Variants in EBF1 observed in about 807,000 individuals in gnomAD.
EBF1 encodes the protein EBF transcription factor 1, also known as transcription factor COE1.
EBF1 carries 10 observed loss-of-function variants against 68.4 expected under a neutral mutation model. That is an observed-to-expected ratio of 0.15 (90% confidence interval 0.09 to 0.25). The LOEUF (loss-of-function observed/expected upper bound fraction) is 0.25. Ranked by LOEUF, EBF1 falls within the 10% of genes least tolerant of loss-of-function variation. EBF1 has a pLI of 1.00. For synonymous variants in EBF1, 298 were observed against 299.8 expected (o/e 0.99, Z 0.06); for missense variants, 509 against 794.4 (o/e 0.64, Z 4.32).
chr5:158,699,183 C>T, intron 15 of EBF1, 41 bp from the exon 16 acceptor site: 1 of 1,548,692 alleles, frequency 6.5e-7, no homozygotes, highest in Non-Finnish European at 8.8e-7. Context: ...TCTTTGCGTT[C>T]AAACTTCTCA....
intron 6 of EBF1, among the ~76,000 whole-genome samples, chr5:158,891,550 C>A (rs550984018): frequency 6.6e-6 from 1 of 152,306 alleles, no homozygotes; most frequent in Non-Finnish European, 1.5e-5. Flanking sequence ...TCCCAGGTCT[C>A]AACTTTGGGC....
At chr5:158,836,683 G>A (rs1562073987) in intron 7 of EBF1, among the ~76,000 whole-genome samples, 1 of 152,186 alleles carries the variant, frequency 6.6e-6, no homozygotes, top group Non-Finnish European at 1.5e-5. Flanking sequence ...ATAAAGAAAT[G>A]TATTAATGTA....
At chr5:158,748,523 C>A (rs1400986300) in intron 10 of EBF1, among the ~76,000 whole-genome samples, 1 of 152,122 alleles carries the variant, frequency 6.6e-6, no homozygotes, top group Non-Finnish European at 1.5e-5. Flanking sequence ...ATTCACAAAC[C>A]ATTAATGCCC....
intron 6 of EBF1, among the ~76,000 whole-genome samples, chr5:159,027,520 C>T (rs911936911): frequency 1.3e-5 from 2 of 152,146 alleles, no homozygotes; most frequent in African/African-American, 2.4e-5. Context: ...TTCTTCAGAC[C>T]TTAGAATGCA....
At chr5:158,792,472 C>T (rs1427513231) in intron 9 of EBF1, among the ~76,000 whole-genome samples, 1 of 151,266 alleles carries the variant, frequency 6.6e-6, no homozygotes, top group Non-Finnish European at 1.5e-5. Flanking sequence ...GTTAAGCCAG[C>T]CTGATTTTCT....
chr5:158,923,110 G>A (rs1357521488), intron 6 of EBF1, among the ~76,000 whole-genome samples: 3 of 152,242 alleles, frequency 2.0e-5, no homozygotes, highest in Admixed American at 2.0e-4. Flanking sequence ...CCCAGGAAGA[G>A]CGTTAGCCTC....
intron 6 of EBF1, among the ~76,000 whole-genome samples, chr5:159,021,602 G>A (rs1264530449): frequency 6.6e-6 from 1 of 152,210 alleles, no homozygotes; most frequent in Non-Finnish European, 1.5e-5. Flanking sequence ...AGACAAGGAG[G>A]ATTTGCCCAA....
intron 1 of EBF1, among the ~76,000 whole-genome samples, 164 bp downstream of exon 1, chr5:159,099,181 G>A (rs1783180855): frequency 1.3e-5 from 2 of 152,148 alleles, no homozygotes; most frequent in African/African-American, 4.8e-5. Context: ...CGAAGGCAGA[G>A]CGGCTGGAGA....
In EBF1 at chr5:158,698,799, C is replaced by CA. The variant is rs1756165217; in HGVS notation, c.*311dup. 3.8e-6 allele frequency: 1 copy of CA among 265,784 alleles called. No individual in the cohort carries two copies. The highest frequency in any genetic ancestry group is 5.5e-5 in the East Asian group (1 of 18,226). 16.5% of individuals were successfully genotyped at this position (265,784 alleles called of 1,614,324 possible). A position where few individuals can be genotyped will look rare whatever the true frequency, so the allele number is the denominator to read the frequency against. Reference sequence around the variant, plus strand: ...ATAGAGCTTTACGGTTTATAAAAGACAAATGATTGCAGAATTAAGCTTAAA... The same window carrying CA: ...ATAGAGCTTTACGGTTTATAAAAGACAAAATGATTGCAGAATTAAGCTTAAA... On this transcript the variant is annotated 3_prime_UTR_variant, in exon 16 of 16. Coordinates refer to ENST00000313708, the MANE Select transcript of EBF1 (RefSeq NM_024007.5).
intron 6 of EBF1, among the ~76,000 whole-genome samples, chr5:158,896,727 T>A (rs1379400330): frequency 6.6e-6 from 1 of 152,210 alleles, no homozygotes; most frequent in Non-Finnish European, 1.5e-5. Context: ...TCTTCTTTCA[T>A]TACTCCATTA....
intron 8 of EBF1, among the ~76,000 whole-genome samples, chr5:158,822,177 G>A (rs1011709932): frequency 2.0e-5 from 3 of 152,098 alleles, no homozygotes; most frequent in African/African-American, 2.4e-5. Context: ...AGGGAAATGG[G>A]TTGAGAGTTT....
intron 6 of EBF1, among the ~76,000 whole-genome samples, chr5:158,845,101 G>C (rs560862834): frequency 6.1e-4 from 93 of 152,272 alleles, no homozygotes; most frequent in African/African-American, 2.1e-3. Flanking sequence ...AGTGCCCGGC[G>C]TAAGACCTAG....
At chr5:158,907,054 G>A (rs1045462289) in intron 6 of EBF1, among the ~76,000 whole-genome samples, 2 of 152,174 alleles carry the variant, frequency 1.3e-5, no homozygotes, top group Admixed American at 1.3e-4. Flanking sequence ...TCCTGGGGTT[G>A]GAACTCAGTT....
chr5:159,013,871 A>G (rs530347110), intron 6 of EBF1, among the ~76,000 whole-genome samples: 1 of 152,312 alleles, frequency 6.6e-6, no homozygotes, highest in Admixed American at 6.5e-5. Flanking sequence ...TCCAAAGAAG[A>G]GTTCCAACTT....
At chr5:158,743,016 A>G (rs1298556331) in intron 10 of EBF1, among the ~76,000 whole-genome samples, 1 of 152,358 alleles carries the variant, frequency 6.6e-6, no homozygotes, top group East Asian at 1.9e-4. Context: ...GTGCCCTGTG[A>G]GTCCCCAGCT....
chr5:158,729,263 C>T (rs1209031042), intron 11 of EBF1, among the ~76,000 whole-genome samples: 1 of 152,228 alleles, frequency 6.6e-6, no homozygotes, highest in Non-Finnish European at 1.5e-5. Flanking sequence ...TAGCAAGTGG[C>T]CAATGTCTGA....
At chr5:158,803,524 G>A (rs1196948326) in intron 8 of EBF1, among the ~76,000 whole-genome samples, 3 of 151,962 alleles carry the variant, frequency 2.0e-5, no homozygotes, top group Non-Finnish European at 4.4e-5. Context: ...ACCATGCACA[G>A]GAGGCAAATC....
At chr5:159,038,301 C>T (rs1230382508) in intron 6 of EBF1, among the ~76,000 whole-genome samples, 1 of 152,162 alleles carries the variant, frequency 6.6e-6, no homozygotes, top group East Asian at 1.9e-4. Flanking sequence ...CCACCCTACT[C>T]TGACCTTGCC....
chr5:159,046,982 C>T (rs1228371059), intron 6 of EBF1, among the ~76,000 whole-genome samples: 1 of 152,214 alleles, frequency 6.6e-6, no homozygotes, highest in African/African-American at 2.4e-5. Context: ...CCTCCACAGC[C>T]ACAAGCTACA....
Sources: gnomAD v4.1 joint callset for allele counts (sites outside exome capture counted in the v4.1 genomes callset) on GRCh38, gnomAD v4.1.1 for gene constraint, MANE v1.5 for transcripts, NCBI Gene and HGNC (gene_info 2026-07-23, HGNC 2026-07-21) for gene names.